FBXO4: variants seen among roughly 807,000 people sequenced by gnomAD.
FBXO4 encodes F-box only protein 4.
In FBXO4, 36 loss-of-function variants were observed where a neutral mutation model predicts 43.7. That is an observed-to-expected ratio of 0.82 (90% CI 0.63 to 1.09). The LOEUF (loss-of-function observed/expected upper bound fraction) is 1.09, where lower values mean the gene tolerates loss of function less well. Ranked by LOEUF, FBXO4 falls within the 50% of genes least tolerant of loss-of-function variation. The pLI is 0.00. For synonymous variants in FBXO4, 180 were observed against 165.6 expected (o/e 1.09, Z -0.67); for missense variants, 435 against 474.1 (o/e 0.92, Z 0.77).
the FBXO4 span, among the ~76,000 whole-genome samples, chr5:41,978,205 A>G: frequency 1.1e-4 from 17 of 152,284 alleles, no homozygotes; most frequent in Non-Finnish European, 1.8e-4. Context: ...GAACTATAAG[A>G]GCAAGAGCTC....
the FBXO4 span, among the ~76,000 whole-genome samples, chr5:41,981,599 A>C: frequency 6.6e-6 from 1 of 151,986 alleles, no homozygotes; most frequent in Non-Finnish European, 1.5e-5. Context: ...TAGTTTTTCA[A>C]TTATTTGCCA....
At chr5:41,967,411 G>T in the FBXO4 span, 1 of 541,656 alleles carries the variant, frequency 1.8e-6, no homozygotes, top group South Asian at 1.6e-5. Flanking sequence ...TATTTGCTGT[G>T]ATCAGATTTG....
chr5:41,970,962 G>T, the FBXO4 span, among the ~76,000 whole-genome samples: 1 of 151,902 alleles, frequency 6.6e-6, no homozygotes, highest in Non-Finnish European at 1.5e-5. Flanking sequence ...AAAAGAGATT[G>T]TAATCAATTA....
At chr5:41,944,435 T>C (rs1470991255), downstream of FBXO4, among the ~76,000 whole-genome samples, 1 of 152,178 alleles carries the variant, frequency 6.6e-6, no homozygotes, top group South Asian at 2.1e-4. Context: ...GATAGCACTA[T>C]AGAAGAGAGA....
chr5:41,976,744 A>T, the FBXO4 span, among the ~76,000 whole-genome samples: 1 of 152,166 alleles, frequency 6.6e-6, no homozygotes, highest in Admixed American at 6.5e-5. Context: ...CAAGCTGCCC[A>T]TGACTAACAT....
chr5:42,006,887 G>GATATATATATATATATATATAT, the FBXO4 span, among the ~76,000 whole-genome samples: 513 of 78,866 alleles, frequency 6.5e-3, 22 homozygotes, highest in African/African-American at 0.012. Context: ...GGTTCATGCT[G>GATATATATATATATATATATAT]ATATATATAT....
At chr5:42,002,457 A>G in the FBXO4 span, among the ~76,000 whole-genome samples, 1 of 152,214 alleles carries the variant, frequency 6.6e-6, no homozygotes, top group Non-Finnish European at 1.5e-5. Context: ...ACCAGTAAAA[A>G]CCATCAATAG....
At chr5:41,961,398 G>C in the FBXO4 span, among the ~76,000 whole-genome samples, 1 of 152,234 alleles carries the variant, frequency 6.6e-6, no homozygotes, top group African/African-American at 2.4e-5. Flanking sequence ...TGATCATGGT[G>C]CTCATGGAGT....
chr5:41,930,817 G>A (rs1751665977), intron 3 of FBXO4, among the ~76,000 whole-genome samples: 1 of 152,046 alleles, frequency 6.6e-6, no homozygotes, highest in Non-Finnish European at 1.5e-5. Flanking sequence ...ACTACGCCTG[G>A]CTAATTTTTT....
the FBXO4 span, among the ~76,000 whole-genome samples, chr5:41,958,785 A>T: frequency 6.6e-6 from 1 of 152,182 alleles, no homozygotes. Context: ...GAATTTTTTT[A>T]AATTCGTTTA....
the FBXO4 span, among the ~76,000 whole-genome samples, chr5:42,007,944 A>G: frequency 6.6e-5 from 10 of 152,106 alleles, no homozygotes; most frequent in Non-Finnish European, 1.3e-4. Context: ...TGGGATCATG[A>G]GACAGTTAAT....
At chr5:42,009,519 T>C in the FBXO4 span, among the ~76,000 whole-genome samples, 1 of 152,224 alleles carries the variant, frequency 6.6e-6, no homozygotes, top group Middle Eastern at 3.4e-3. Flanking sequence ...TGCTAGGGCT[T>C]AGGGGTACAA....
chr5:41,981,152 T>C, the FBXO4 span, among the ~76,000 whole-genome samples: 1 of 152,078 alleles, frequency 6.6e-6, no homozygotes, highest in African/African-American at 2.4e-5. Context: ...TCCTCAATCC[T>C]GTATATATAA....
the FBXO4 span, among the ~76,000 whole-genome samples, chr5:41,992,574 G>A: frequency 6.6e-6 from 1 of 152,160 alleles, no homozygotes; most frequent in Non-Finnish European, 1.5e-5. Context: ...ACTGCTTGGG[G>A]ACAGCAATGG....
chr5:41,938,442 G>A (rs144601742), intron 5 of FBXO4, among the ~76,000 whole-genome samples: 255 of 152,202 alleles, frequency 1.7e-3, no homozygotes, highest in African/African-American at 5.9e-3. Context: ...AGAGAAGAAG[G>A]AACAAAGAAT....
At chr5:42,026,095 T>C in the FBXO4 span, among the ~76,000 whole-genome samples, 2 of 151,966 alleles carry the variant, frequency 1.3e-5, no homozygotes, top group African/African-American at 4.8e-5. Flanking sequence ...GGTATTTTGA[T>C]AGGAATTGCA....
chr5:41,930,014 A>G, intron 3 of FBXO4, 97 bp downstream of exon 3: 2 of 1,025,654 alleles, frequency 1.9e-6, no homozygotes, highest in East Asian at 5.0e-5. Flanking sequence ...TATTTGCTAT[A>G]ATGAAGTACA....
rs1751942134 is a variant in FBXO4, at chr5:41,939,501, CTTCGGGAAGACCAT to C, written c.961_974del (p.Ser321ValfsTer22). ...GCAATGACAGATCCAGCCTTTGGGT[CTTCGGGAAGACCAT>C]TGTTGGTTTTATCTTGTATTTCTCA... On this transcript the variant is annotated frameshift_variant, in exon 6 of 7. Transcript: ENST00000281623. LOFTEE classifies it high-confidence loss of function. 1.2e-6 allele frequency: 2 copies of C among 1,613,692 alleles called. No individual in the cohort carries two copies. Among genetic ancestry groups the C allele is most frequent in the Admixed American group, 1.7e-5 (1 of 59,980 alleles).
the FBXO4 span, among the ~76,000 whole-genome samples, chr5:41,986,767 TC>T: frequency 6.6e-6 from 1 of 152,138 alleles, no homozygotes; most frequent in African/African-American, 2.4e-5. Flanking sequence ...GCAAACATGT[TC>T]TAAATAGAAG....
Sources: allele counts gnomAD v4.1 joint callset (sites outside exome capture counted in the v4.1 genomes callset), GRCh38; gene constraint gnomAD v4.1.1; transcripts MANE v1.5; gene names NCBI Gene and HGNC (gene_info 2026-07-23, HGNC 2026-07-21).